The following STRBP variants were observed in gnomAD, a reference collection of about 807,000 sequenced individuals.
The protein encoded by STRBP is spermatid perinuclear RNA-binding protein.
Under a neutral mutation model 80.1 loss-of-function variants are expected in STRBP, and 13 were observed. That is an observed-to-expected ratio of 0.16 (90% CI 0.11 to 0.26). The LOEUF is 0.26. Among genes scored for constraint, STRBP ranks in the 10% least tolerant of loss-of-function variants. STRBP has a pLI of 1.00. For synonymous variants in STRBP, 284 were observed against 291.2 expected (o/e 0.98, Z 0.25); for missense variants, 485 against 815.2 (o/e 0.59, Z 4.93).
At chr9:123,168,476 A>G (rs182940773) in intron 6 of STRBP, among the ~76,000 whole-genome samples, 296 of 152,342 alleles carry the variant, frequency 1.9e-3, no homozygotes, top group African/African-American at 6.3e-3. Context: ...AAAAGAGTCT[A>G]TCACTTTTAC....
In STRBP at chr9:123,178,695, T is replaced by G. The variant is rs538049126; in HGVS notation, c.224+312A>C. 2.0e-5 allele frequency among the ~76,000 whole-genome samples: 3 copies of G among 152,224 alleles called. No individual in the cohort carries two copies. The South Asian group carries it at 6.2e-4, about 32-fold the overall frequency. ...AAAACACTACTATTTATTTGAAAATTTAGGAGGCTGAATCAACACAGGAAA... is the reference window on the plus strand; with the variant it reads ...AAAACACTACTATTTATTTGAAAATGTAGGAGGCTGAATCAACACAGGAAA... On this transcript the variant is annotated intron_variant, in intron 4 of 18. Transcript: ENST00000348403.
rs940050417 is a variant in STRBP, at chr9:123,234,463, A to G, written c.-165+2367T>C. On this transcript the variant is annotated intron_variant, in intron 2 of 18. Coordinates refer to ENST00000348403, the MANE Select transcript of STRBP (RefSeq NM_018387.5). ...TACTGTACAGGATCCTTACTTCCCA[A>G]AAAGAAAACTAAGACCCAAAGAGAT... Among the ~76,000 whole-genome samples, 3 of 152,104 alleles carry G rather than the reference A, an allele frequency of 2.0e-5. No individual in the cohort carries two copies. The East Asian group carries it at 5.8e-4, about 29-fold the overall frequency.
chr9:123,125,560 G>A lies in STRBP; in HGVS notation c.*37C>T, dbSNP rs1052294898. 7 of 1,607,462 alleles carry A rather than the reference G, an allele frequency of 4.4e-6. No individual in the cohort carries two copies. Among genetic ancestry groups the A allele is most frequent in the Non-Finnish European group, 5.9e-6 (7 of 1,177,562 alleles). On this transcript the variant is annotated 3_prime_UTR_variant, in exon 19 of 19. Transcript: ENST00000348403. ...TTTCTCTAACATTCTGTGTTGTACT[G>A]TATTGTTGTTCAATAGGAATTAGCT...
In STRBP at chr9:123,123,032, C is replaced by T. The variant is rs2035780654; in HGVS notation, c.*2565G>A. The T allele has an allele frequency of 1.0e-6, 1 of 985,418 alleles. No individual in the cohort carries two copies. 61.0% of individuals were successfully genotyped at this position (985,418 alleles called of 1,614,324 possible). On this transcript the variant is annotated 3_prime_UTR_variant, in exon 19 of 19. Transcript: ENST00000348403. ...AAAAGAGGGTGTCAGAGTGGAGTGT[C>T]TGAAAGCTGGATAGCCTCAGGGTGT...
At chr9:123,262,148 T>C (rs2041172112) in intron 1 of STRBP, among the ~76,000 whole-genome samples, 1 of 152,184 alleles carries the variant, frequency 6.6e-6, no homozygotes, top group Admixed American at 6.5e-5. Flanking sequence ...TATTCTTTAC[T>C]CAAACCAGTA....
At chr9:123,230,481 G>C (rs1403277313) in intron 2 of STRBP, among the ~76,000 whole-genome samples, 1 of 152,156 alleles carries the variant, frequency 6.6e-6, no homozygotes, top group Non-Finnish European at 1.5e-5. Flanking sequence ...AAGATAGTAA[G>C]TGCTAATAAA....
intron 2 of STRBP, among the ~76,000 whole-genome samples, chr9:123,222,818 A>G (rs983405156): frequency 1.3e-5 from 2 of 152,208 alleles, no homozygotes; most frequent in African/African-American, 4.8e-5. Context: ...AGGAATCACA[A>G]TCTACTTTTA....
intron 2 of STRBP, among the ~76,000 whole-genome samples, chr9:123,221,427 G>C (rs1426116912): frequency 6.6e-6 from 1 of 152,120 alleles, no homozygotes; most frequent in Admixed American, 6.5e-5. Context: ...TGGATTAGAA[G>C]ATCTCTTAAG....
chr9:123,147,749 G>A, intron 12 of STRBP, 29 bp downstream of exon 12: 1 of 1,489,570 alleles, frequency 6.7e-7, no homozygotes, highest in Non-Finnish European at 9.2e-7. Context: ...TCTCTAGTTT[G>A]CATCTATAAG....
intron 3 of STRBP, among the ~76,000 whole-genome samples, chr9:123,183,034 A>C (rs1452425913): frequency 5.0e-5 from 3 of 59,590 alleles, no homozygotes; most frequent in African/African-American, 5.4e-4. Flanking sequence ...AAAAAAAAAA[A>C]AAAACAAAAA....
At chr9:123,226,947 T>A (rs1389193960) in intron 2 of STRBP, among the ~76,000 whole-genome samples, 2 of 152,212 alleles carry the variant, frequency 1.3e-5, no homozygotes, top group East Asian at 3.8e-4. Context: ...TCTTGCCACG[T>A]CATAACATGG....
At chr9:123,239,011 A>G (rs2040634125) in intron 1 of STRBP, among the ~76,000 whole-genome samples, 1 of 152,214 alleles carries the variant, frequency 6.6e-6, no homozygotes. Flanking sequence ...AGATTTCCTT[A>G]GCAGTGGCAG....
At chr9:123,229,522 G>A (rs1437781858) in intron 2 of STRBP, among the ~76,000 whole-genome samples, 1 of 152,200 alleles carries the variant, frequency 6.6e-6, no homozygotes, top group Non-Finnish European at 1.5e-5. Context: ...AAATGTTGAT[G>A]AATGATCCAA....
chr9:123,111,689 C>T (rs1377622582), intron 3 of STRBP: 2 of 459,324 alleles, frequency 4.4e-6, no homozygotes, highest in Admixed American at 5.1e-5. Context: ...CAGGGACAGG[C>T]TGCATTCTCT....
chr9:123,233,638 T>G (rs1312708519), intron 2 of STRBP, among the ~76,000 whole-genome samples: 1 of 152,238 alleles, frequency 6.6e-6, no homozygotes, highest in Non-Finnish European at 1.5e-5. Flanking sequence ...TATACAACTC[T>G]TCCAACTTTT....
chr9:123,160,358 A>G lies in STRBP; in HGVS notation c.723+9T>C, dbSNP rs369234331. On this transcript the variant is annotated intron_variant, in intron 8 of 18. Coordinates refer to ENST00000348403, the MANE Select transcript of STRBP (RefSeq NM_018387.5). Reference sequence around the variant, plus strand: ...CCAAATTTGCTTTTAGCCATATTTAAGTACTTACCCATCCTTTCAATGGTG... The same window carrying G: ...CCAAATTTGCTTTTAGCCATATTTAGGTACTTACCCATCCTTTCAATGGTG... The G allele has an allele frequency of 6.4e-7, 1 of 1,562,016 alleles. No homozygotes were observed. Among genetic ancestry groups the G allele is most frequent in the Non-Finnish European group, 8.7e-7 (1 of 1,145,812 alleles).
At chr9:123,133,832 G>A (rs898170958) in intron 16 of STRBP, among the ~76,000 whole-genome samples, 1 of 151,948 alleles carries the variant, frequency 6.6e-6, no homozygotes, top group Non-Finnish European at 1.5e-5. Context: ...GTGAGCCACC[G>A]CACCTGGCCC....
rs551653855 is a variant in STRBP at position 123,161,082 on chromosome 9, G to A, written c.536-14C>T. On this transcript the variant is annotated splice_polypyrimidine_tract_variant and intron_variant, in intron 6 of 18. Transcript: ENST00000348403. ...TCGAAACATTTTCTAACAGTAAAAT[G>A]GGATAAAGAGAGACAAATACAATTT... The A allele has an allele frequency of 3.2e-6, 5 of 1,567,512 alleles. No homozygotes were observed. In the African/African-American group the frequency reaches 6.9e-5, roughly 22 times the overall value.
chr9:123,174,103 T>A (rs2038119955), intron 4 of STRBP, among the ~76,000 whole-genome samples: 1 of 152,188 alleles, frequency 6.6e-6, no homozygotes, highest in Non-Finnish European at 1.5e-5. Flanking sequence ...AACTCAAAAA[T>A]ACTGTATTCT....
Sources: gnomAD v4.1 joint callset for allele counts (sites outside exome capture counted in the v4.1 genomes callset) on GRCh38, gnomAD v4.1.1 for gene constraint, MANE v1.5 for transcripts, NCBI Gene and HGNC (gene_info 2026-07-23, HGNC 2026-07-21) for gene names.